The following PHKA1 variants were observed in gnomAD, a reference collection of about 807,000 sequenced individuals.
The protein encoded by PHKA1 is phosphorylase kinase regulatory subunit alpha 1, also known as phosphorylase b kinase regulatory subunit alpha, skeletal muscle isoform.
A neutral mutation model predicts 110.2 loss-of-function variants in PHKA1; 60 were observed. The observed-to-expected ratio is 0.54, with a 90% confidence interval of 0.44 to 0.68. The LOEUF (loss-of-function observed/expected upper bound fraction) is 0.68. PHKA1 is among the 30% of genes least tolerant of loss of function. The pLI, the probability that PHKA1 is intolerant of heterozygous loss-of-function variation, is 0.00. For missense variants in PHKA1, 801 were observed against 942.5 expected, an observed-to-expected ratio of 0.85 and a Z score of 1.97; for synonymous variants, 316 against 333.6, an observed-to-expected ratio of 0.95 and a Z score of 0.58.
chrX:72,659,585 T>C (rs1418619642), intron 8 of PHKA1, among the ~76,000 whole-genome samples: 1 of 111,638 alleles, frequency 9.0e-6, no homozygotes, highest in Non-Finnish European at 1.9e-5. Context: ...CAATCCAACA[T>C]CACAAGGTTC....
At chrX:72,651,154 C>G (rs1412455706) in intron 12 of PHKA1, among the ~76,000 whole-genome samples, 1 of 112,114 alleles carries the variant, frequency 8.9e-6, no homozygotes, top group African/African-American at 3.2e-5. Flanking sequence ...GTTCATGTAT[C>G]TACTATGCCT....
intron 21 of PHKA1, 74 bp downstream of exon 21, chrX:72,618,636 C>G (rs1173681758): frequency 1.1e-5 from 10 of 900,414 alleles, no homozygotes; most frequent in Non-Finnish European, 1.6e-5. Flanking sequence ...ACTCCAAAAG[C>G]TGTGCTCTAT....
intron 6 of PHKA1, among the ~76,000 whole-genome samples, chrX:72,673,994 C>T (rs1192486727): frequency 2.3e-5 from 2 of 87,152 alleles, no homozygotes; most frequent in Admixed American, 1.4e-4. Context: ...TGTGATGTTC[C>T]CCCTTCCTGT....
chrX:72,582,831 C>T (rs1316160806), intron 30 of PHKA1, among the ~76,000 whole-genome samples: 1 of 111,628 alleles, frequency 9.0e-6, no homozygotes, highest in East Asian at 2.8e-4. Flanking sequence ...TCTGAGAGTT[C>T]ATCCTAAGAT....
intron 6 of PHKA1, among the ~76,000 whole-genome samples, chrX:72,672,219 G>T (rs2053714121): frequency 8.9e-6 from 1 of 111,929 alleles, no homozygotes; most frequent in African/African-American, 3.3e-5. Flanking sequence ...CCTGGGCACA[G>T]CCCATAAAGA....
At chrX:72,662,239 C>A (rs73500357) in intron 8 of PHKA1, among the ~76,000 whole-genome samples, 1 of 111,665 alleles carries the variant, frequency 9.0e-6, no homozygotes, top group Non-Finnish European at 1.9e-5. Flanking sequence ...AGTACAGTGC[C>A]ATCTTGAAAC....
At chrX:72,622,997 A>G in intron 18 of PHKA1, 112 bp downstream of exon 18, 1 of 1,169,487 alleles carries the variant, frequency 8.6e-7, no homozygotes, top group Non-Finnish European at 1.1e-6. Context: ...AGAGATCTAG[A>G]GTGAGGATAG....
At chrX:72,590,671 G>T (rs1007004867) in intron 29 of PHKA1, among the ~76,000 whole-genome samples, 1 of 111,997 alleles carries the variant, frequency 8.9e-6, no homozygotes, top group African/African-American at 3.2e-5. Flanking sequence ...ATCTGACAAA[G>T]GGCTAATATC....
intron 5 of PHKA1, among the ~76,000 whole-genome samples, chrX:72,680,760 G>C (rs1449971286): frequency 1.1e-5 from 1 of 92,829 alleles, no homozygotes; most frequent in South Asian, 5.4e-4. Flanking sequence ...GCCGCCGCCC[G>C]ACCGCCGGGA....
At chrX:72,581,482 T>C (rs781974793) in intron 31 of PHKA1, among the ~76,000 whole-genome samples, 1 of 112,099 alleles carries the variant, frequency 8.9e-6, no homozygotes, top group Non-Finnish European at 1.9e-5. Flanking sequence ...GTCATACCTA[T>C]TAATAGACAA....
chrX:72,679,454 A>T (rs953082689), intron 5 of PHKA1, among the ~76,000 whole-genome samples: 1 of 110,183 alleles, frequency 9.1e-6, no homozygotes, highest in Non-Finnish European at 1.9e-5. Flanking sequence ...AAGCAGGAAA[A>T]TATAGCCCAT....
At chrX:72,635,605 G>A (rs1556291247) in intron 15 of PHKA1, among the ~76,000 whole-genome samples, 4 of 111,827 alleles carry the variant, frequency 3.6e-5, no homozygotes, top group Non-Finnish European at 5.6e-5. Context: ...GAGATGATAC[G>A]TGGATTAGTG....
chrX:72,594,004 A>G (rs1305723183), intron 28 of PHKA1, among the ~76,000 whole-genome samples: 3 of 111,694 alleles, frequency 2.7e-5, no homozygotes, highest in Non-Finnish European at 5.6e-5. Flanking sequence ...AGTAATCGAA[A>G]TAAATTAAGG....
chrX:72,624,408 A>G (rs1264924556), intron 17 of PHKA1, among the ~76,000 whole-genome samples: 2 of 111,111 alleles, frequency 1.8e-5, no homozygotes, highest in Non-Finnish European at 3.8e-5. Context: ...ACAGCTAAAT[A>G]TGATCTATTT....
rs1363173181 is a variant in PHKA1 at position 72,593,727 on chromosome X, T to C, written c.3073-453A>G. On this transcript the variant is annotated intron_variant, in intron 28 of 31. Coordinates refer to ENST00000373542, the MANE Select transcript of PHKA1 (RefSeq NM_002637.4). ...AAGTGAAGCAGCCAAGACAAAGAGG[T>C]TATAGTGAAGCTAGTAGACTTATAT... is the stretch of plus-strand genomic sequence containing the variant. Among the ~76,000 whole-genome samples, 3 of 112,341 alleles carry C rather than the reference T, an allele frequency of 2.7e-5. No homozygotes were observed. In the East Asian group the frequency reaches 8.4e-4, roughly 31 times the overall value.
intron 29 of PHKA1, among the ~76,000 whole-genome samples, chrX:72,587,057 A>G (rs1228004089): frequency 9.0e-6 from 1 of 111,144 alleles, no homozygotes; most frequent in African/African-American, 3.3e-5. Context: ...GCAGGCCAAC[A>G]TTCAAATTCA....
At chrX:72,629,961 T>G (rs781863008) in intron 16 of PHKA1, among the ~76,000 whole-genome samples, 2 of 112,588 alleles carry the variant, frequency 1.8e-5, no homozygotes, top group Non-Finnish European at 3.7e-5. Context: ...TATACTTGCC[T>G]TGAATATTTC....
chrX:72,616,610 CAACA>C (rs1222443374), intron 21 of PHKA1, among the ~76,000 whole-genome samples: 1 of 111,326 alleles, frequency 9.0e-6, no homozygotes, highest in East Asian at 2.8e-4. Context: ...GACAGAAAAT[CAACA>C]AACAAACATT....
rs782721685 is a variant in PHKA1 at position 72,599,852 on chromosome X, A to T, written c.3072+2139T>A. 2.2e-5 allele frequency: 12 copies of T among 550,283 alleles called. No individual in the cohort carries two copies. The East Asian group carries it at 4.0e-4, about 18-fold the overall frequency. The allele number at this position is 550,283 out of a possible 1,213,427, so 45.3% of individuals were successfully genotyped here. A position where few individuals can be genotyped will look rare whatever the true frequency, so the allele number is the denominator to read the frequency against. On this transcript the variant is annotated intron_variant, in intron 28 of 31. Transcript: ENST00000373542. ...GTGACATCAAATCTATACCCAGGGG[A>T]TGACCACCATTGGACTATGAGAACA...
Sources: allele counts gnomAD v4.1 joint callset (sites outside exome capture counted in the v4.1 genomes callset), GRCh38; gene constraint gnomAD v4.1.1; transcripts MANE v1.5; gene names NCBI Gene and HGNC (gene_info 2026-07-23, HGNC 2026-07-21).